MACROD1: variants seen among roughly 807,000 people sequenced by gnomAD.
MACROD1 encodes the protein mono-ADP ribosylhydrolase 1.
A neutral mutation model predicts 41.4 loss-of-function variants in MACROD1; 31 were observed. The ratio of observed to expected loss-of-function variants is 0.75; its 90% CI spans 0.56 to 1.01. MACROD1 has a LOEUF of 1.01. Ranked by LOEUF, MACROD1 falls within the 50% of genes least tolerant of loss-of-function variation. The pLI is 0.00. For missense variants in MACROD1, 473 were observed against 460.0 expected (o/e 1.03, Z -0.26); for synonymous variants, 252 against 203.4 (o/e 1.24, Z -2.03).
intron 3 of MACROD1, among the ~76,000 whole-genome samples, chr11:64,138,013 C>T (rs1945355263): frequency 6.6e-6 from 1 of 152,240 alleles, no homozygotes; most frequent in Non-Finnish European, 1.5e-5. Flanking sequence ...TTACTGAATT[C>T]CAATGACTTG....
At chr11:64,155,123 G>C (rs1172766878) in intron 1 of MACROD1, among the ~76,000 whole-genome samples, 1 of 152,266 alleles carries the variant, frequency 6.6e-6, no homozygotes, top group Admixed American at 6.5e-5. Flanking sequence ...ACCTGAGGGT[G>C]CCTGAGGGGC....
intron 3 of MACROD1, among the ~76,000 whole-genome samples, chr11:64,100,509 C>T (rs145980347): frequency 6.6e-6 from 1 of 152,314 alleles, no homozygotes; most frequent in African/African-American, 2.4e-5. Context: ...ACTAACTTCA[C>T]ACGGCATGGT....
chr11:64,046,067 A>G (rs573190991), intron 3 of MACROD1, among the ~76,000 whole-genome samples: 6 of 150,736 alleles, frequency 4.0e-5, no homozygotes, highest in African/African-American at 1.5e-4. Context: ...CTTTTTACAC[A>G]TGAGGAAACT....
intron 1 of MACROD1, among the ~76,000 whole-genome samples, chr11:64,165,129 C>G (rs546577847): frequency 6.6e-6 from 1 of 152,156 alleles, no homozygotes; most frequent in Non-Finnish European, 1.5e-5. Context: ...CATCAGAGTG[C>G]GGGCTTGGGG....
At chr11:64,068,027 G>A (rs760888591) in intron 3 of MACROD1, among the ~76,000 whole-genome samples, 19 of 152,284 alleles carry the variant, frequency 1.2e-4, no homozygotes, top group Non-Finnish European at 2.1e-4. Context: ...CGGTCTTGGG[G>A]GTTATTTAAC....
intron 3 of MACROD1, among the ~76,000 whole-genome samples, chr11:64,021,205 T>C (rs1377152382): frequency 2.6e-5 from 4 of 152,202 alleles, no homozygotes; most frequent in Non-Finnish European, 5.9e-5. Context: ...CCTGCCTGAC[T>C]CCCAAGCTCC....
chr11:64,141,057 C>T (rs1396327574), intron 3 of MACROD1, among the ~76,000 whole-genome samples: 1 of 152,178 alleles, frequency 6.6e-6, no homozygotes, highest in Non-Finnish European at 1.5e-5. Context: ...ATTGCTTGAG[C>T]CCAGGAGGTC....
intron 3 of MACROD1, among the ~76,000 whole-genome samples, chr11:64,130,698 C>G (rs1001088163): frequency 5.9e-5 from 9 of 152,182 alleles, no homozygotes; most frequent in Non-Finnish European, 1.0e-4. Flanking sequence ...CCCACACATG[C>G]CGCTGCCTCC....
chr11:64,019,294 C>T (rs1337401808), intron 3 of MACROD1, among the ~76,000 whole-genome samples: 1 of 152,206 alleles, frequency 6.6e-6, no homozygotes, highest in Non-Finnish European at 1.5e-5. Flanking sequence ...CGCCTGTGAC[C>T]TTGGGGTGGC....
chr11:64,151,437 T>A, intron 2 of MACROD1, 82 bp from the exon 3 acceptor site: 1 of 1,007,634 alleles, frequency 9.9e-7, no homozygotes, highest in Non-Finnish European at 1.5e-6. Context: ...GGCCAGGGCC[T>A]TCCCTATCGA....
intron 4 of MACROD1, among the ~76,000 whole-genome samples, chr11:64,010,338 G>GGTGTTGGTTGGA (rs1462117363): frequency 7.0e-6 from 1 of 143,844 alleles, no homozygotes; most frequent in African/African-American, 2.5e-5. Flanking sequence ...TGTTGGTTGG[G>GGTGTTGGTTGGA]GTGTTGGTTG....
intron 3 of MACROD1, among the ~76,000 whole-genome samples, chr11:64,041,199 TAAAAAAAAAAAA>T (rs71045724): frequency 1.8e-3 from 38 of 21,606 alleles, no homozygotes; most frequent in African/African-American, 5.5e-3. Flanking sequence ...TAGCAAACTG[TAAAAAAAAAAAA>T]AAAAAAAAAA....
chr11:64,042,153 G>A (rs960327301), intron 3 of MACROD1, among the ~76,000 whole-genome samples: 14 of 152,166 alleles, frequency 9.2e-5, no homozygotes, highest in African/African-American at 3.4e-4. Flanking sequence ...TCACACCTCT[G>A]GTGGGCACAC....
intron 3 of MACROD1, among the ~76,000 whole-genome samples, chr11:64,020,945 G>A (rs903130695): frequency 8.6e-5 from 13 of 152,038 alleles, no homozygotes; most frequent in African/African-American, 3.1e-4. Context: ...TCGAACTCCT[G>A]AGCTCAGGTG....
intron 3 of MACROD1, among the ~76,000 whole-genome samples, chr11:64,109,915 G>A (rs1175085968): frequency 2.0e-5 from 3 of 152,096 alleles, no homozygotes; most frequent in Non-Finnish European, 2.9e-5. Flanking sequence ...ACTGGAGCGC[G>A]GAGGACAGAG....
rs1307587863 is a variant in MACROD1, at chr11:64,035,838, G to GCCGCCGCTCGCGCGGGCA, written c.518-20575_518-20558dup. Reference sequence around the variant, plus strand: ...CCTGGTTCCCCGCGCCCTGCTCGCCGCCGCCGCTCGCGCGGGCACCGCCGC... The same window carrying GCCGCCGCTCGCGCGGGCA: ...CCTGGTTCCCCGCGCCCTGCTCGCCGCCGCCGCTCGCGCGGGCACCGCCGCTCGCGCGGGCACCGCCGC... On this transcript the variant is annotated intron_variant, in intron 3 of 10. Coordinates refer to ENST00000255681, the MANE Select transcript of MACROD1 (RefSeq NM_014067.4). 2.7e-5 allele frequency: 4 copies of GCCGCCGCTCGCGCGGGCA among 146,130 alleles called. No homozygotes were observed. The East Asian group carries it at 8.0e-4, about 29-fold the overall frequency. The allele number at this position is 146,130 out of a possible 1,614,324, so 9.1% of individuals were successfully genotyped here. A position where few individuals can be genotyped will look rare whatever the true frequency, so the allele number is the denominator to read the frequency against.
At chr11:64,068,482 A>T (rs1285412371) in intron 3 of MACROD1, among the ~76,000 whole-genome samples, 1 of 152,216 alleles carries the variant, frequency 6.6e-6, no homozygotes, top group Non-Finnish European at 1.5e-5. Flanking sequence ...CACAGATTGG[A>T]GCCCTCCACA....
At chr11:64,148,614 A>G in intron 3 of MACROD1, 1 of 558,202 alleles carries the variant, frequency 1.8e-6, no homozygotes, top group Non-Finnish European at 2.3e-6. Context: ...TTCACGGCTA[A>G]TGATTATAAT....
At chr11:64,011,598 G>T (rs956357700) in intron 4 of MACROD1, among the ~76,000 whole-genome samples, 2 of 151,960 alleles carry the variant, frequency 1.3e-5, no homozygotes, top group Non-Finnish European at 2.9e-5. Flanking sequence ...AGTCCATTCC[G>T]GTGGGGAGGC....
Sources: gnomAD v4.1 joint callset for allele counts (sites outside exome capture counted in the v4.1 genomes callset) on GRCh38, gnomAD v4.1.1 for gene constraint, MANE v1.5 for transcripts, NCBI Gene and HGNC (gene_info 2026-07-23, HGNC 2026-07-21) for gene names.